TMEM117: variants seen among roughly 807,000 people sequenced by gnomAD.
TMEM117 encodes transmembrane protein 117.
A neutral mutation model predicts 52.4 loss-of-function variants in TMEM117; 27 were observed. The ratio of observed to expected loss-of-function variants is 0.51; its 90% CI spans 0.38 to 0.71. TMEM117 has a LOEUF of 0.71. Ranked by LOEUF, TMEM117 falls within the 30% of genes least tolerant of loss-of-function variation. The pLI, the probability that TMEM117 is intolerant of heterozygous loss-of-function variation, is 0.00. For missense variants in TMEM117, 556 were observed against 630.5 expected, an observed-to-expected ratio of 0.88 and a Z score of 1.26; for synonymous variants, 215 against 206.3, an observed-to-expected ratio of 1.04 and a Z score of -0.36.
chr12:44,214,781 C>T (rs1949694527), intron 5 of TMEM117, among the ~76,000 whole-genome samples: 1 of 152,034 alleles, frequency 6.6e-6, no homozygotes, highest in South Asian at 2.1e-4. Context: ...CATTTCTATA[C>T]ATTTAGATTA....
At chr12:44,344,793 T>C (rs1026676729) in intron 6 of TMEM117, among the ~76,000 whole-genome samples, 1 of 152,068 alleles carries the variant, frequency 6.6e-6, no homozygotes, top group Non-Finnish European at 1.5e-5. Flanking sequence ...TCTGCAGTGC[T>C]CCTCTCCTTT....
intron 3 of TMEM117, among the ~76,000 whole-genome samples, chr12:44,012,402 T>G (rs988170175): frequency 4.6e-5 from 7 of 151,820 alleles, no homozygotes; most frequent in Non-Finnish European, 5.9e-5. Context: ...TTTTGTTTTT[T>G]TTTTTTCTGT....
At chr12:44,008,784 T>G in intron 3 of TMEM117, 1 of 441,096 alleles carries the variant, frequency 2.3e-6, no homozygotes. Context: ...TGAATGAATC[T>G]TTTTCCACAT....
At chr12:44,117,990 T>C (rs918465421) in intron 3 of TMEM117, among the ~76,000 whole-genome samples, 2 of 152,076 alleles carry the variant, frequency 1.3e-5, no homozygotes, top group Admixed American at 1.3e-4. Context: ...ATCATCTATC[T>C]AAATCTTCTG....
At chr12:44,018,763 A>G (rs1256060498) in intron 3 of TMEM117, among the ~76,000 whole-genome samples, 1 of 144,920 alleles carries the variant, frequency 6.9e-6, no homozygotes, top group African/African-American at 2.6e-5. Flanking sequence ...CTCTGTCGCC[A>G]GTCTGGAGTG....
chr12:44,289,967 AG>A (rs142524817), intron 5 of TMEM117, among the ~76,000 whole-genome samples: 5,062 of 152,280 alleles, frequency 0.033, 100 homozygotes, highest in Middle Eastern at 0.13. Flanking sequence ...AGTGAGATAA[AG>A]CACCTTTTAA....
At chr12:43,950,115 T>G (rs1008296993) in intron 3 of TMEM117, among the ~76,000 whole-genome samples, 1 of 152,202 alleles carries the variant, frequency 6.6e-6, no homozygotes, top group East Asian at 1.9e-4. Flanking sequence ...GAACCAATAC[T>G]CTGATTTGCT....
chr12:44,020,410 G>C (rs1946438711), intron 3 of TMEM117, among the ~76,000 whole-genome samples: 1 of 152,164 alleles, frequency 6.6e-6, no homozygotes, highest in Non-Finnish European at 1.5e-5. Flanking sequence ...TAAAGTGGTA[G>C]CATGGCATAG....
intron 2 of TMEM117, among the ~76,000 whole-genome samples, chr12:43,921,074 T>C (rs1944685817): frequency 6.6e-6 from 1 of 152,156 alleles, no homozygotes; most frequent in South Asian, 2.1e-4. Flanking sequence ...GCCCTATTGA[T>C]GCTCTTAAAA....
intron 5 of TMEM117, among the ~76,000 whole-genome samples, chr12:44,258,760 A>G (rs907562318): frequency 3.3e-5 from 5 of 152,136 alleles, no homozygotes; most frequent in Non-Finnish European, 7.4e-5. Context: ...AGAATTAGCA[A>G]ATGTGTAGTT....
chr12:43,865,290 T>TCC, intron 2 of TMEM117, among the ~76,000 whole-genome samples: 1 of 152,092 alleles, frequency 6.6e-6, no homozygotes, highest in Admixed American at 6.5e-5. Flanking sequence ...ATTGGTAAAG[T>TCC]CCTTCTAACT....
At chr12:44,023,769 C>CACATGG (rs1946489659) in intron 3 of TMEM117, among the ~76,000 whole-genome samples, 1 of 133,088 alleles carries the variant, frequency 7.5e-6, no homozygotes, top group Non-Finnish European at 1.5e-5. Flanking sequence ...ACAATGAGAA[C>CACATGG]ACATGGACAC....
chr12:44,281,613 C>T (rs860867), intron 5 of TMEM117, among the ~76,000 whole-genome samples: 42,967 of 152,072 alleles, frequency 0.28, 11,640 homozygotes, highest in African/African-American at 0.71. Context: ...GACAGCATCC[C>T]ACTTTTTCTT....
At chr12:43,797,574 C>A in the TMEM117 span, 2 of 1,405,908 alleles carry the variant, frequency 1.4e-6, no homozygotes, top group Non-Finnish European at 1.9e-6. Context: ...GACTTTTTCA[C>A]AATGAACATT....
chr12:44,029,210 A>G (rs1946592347), intron 3 of TMEM117, among the ~76,000 whole-genome samples: 1 of 152,164 alleles, frequency 6.6e-6, no homozygotes. Flanking sequence ...AGTTCCTTCT[A>G]AGATTTAGGG....
At chr12:44,233,728 C>T (rs1423107724) in intron 5 of TMEM117, among the ~76,000 whole-genome samples, 4 of 151,300 alleles carry the variant, frequency 2.6e-5, no homozygotes, top group East Asian at 1.9e-4. Context: ...TTCTTTTCCA[C>T]GTGATATTAT....
intron 3 of TMEM117, among the ~76,000 whole-genome samples, chr12:43,987,024 A>G (rs1403937441): frequency 6.6e-6 from 1 of 152,172 alleles, no homozygotes; most frequent in Non-Finnish European, 1.5e-5. Flanking sequence ...TTGAAGCCCC[A>G]GCCCCCAGTA....
At chr12:44,158,774 T>A (rs1368465562) in intron 4 of TMEM117, among the ~76,000 whole-genome samples, 1 of 152,022 alleles carries the variant, frequency 6.6e-6, no homozygotes, top group South Asian at 2.1e-4. Flanking sequence ...TAAAAAAAAA[T>A]AGCAGCCCTG....
chr12:44,126,602 CA>C (rs1194248964), intron 3 of TMEM117, among the ~76,000 whole-genome samples: 2 of 152,116 alleles, frequency 1.3e-5, no homozygotes, highest in East Asian at 3.8e-4. Flanking sequence ...TAACATTGTA[CA>C]GTGTTTCTCA....
Sources: gnomAD v4.1 joint callset for allele counts (sites outside exome capture counted in the v4.1 genomes callset) on GRCh38, gnomAD v4.1.1 for gene constraint, MANE v1.5 for transcripts, NCBI Gene and HGNC (gene_info 2026-07-23, HGNC 2026-07-21) for gene names.